Variants in RBFOX1 observed in about 807,000 individuals in gnomAD.
The protein encoded by RBFOX1 is RNA binding fox-1 homolog 1.
RBFOX1 carries 8 observed loss-of-function variants against 57.7 expected under a neutral mutation model. That is an observed-to-expected ratio of 0.14 (90% CI 0.08 to 0.25). RBFOX1 has a LOEUF of 0.25. RBFOX1 is among the 10% of genes least tolerant of loss of function. The probability of loss-of-function intolerance (pLI) is 1.00; values close to 1 mark genes in which losing one functional copy is unlikely to be tolerated. For missense variants in RBFOX1, 611 were observed against 548.5 expected, an observed-to-expected ratio of 1.11 and a Z score of -1.14; for synonymous variants, 326 against 222.4, an observed-to-expected ratio of 1.47 and a Z score of -4.15.
intron 1 of RBFOX1, among the ~76,000 whole-genome samples, chr16:5,345,758 C>T (rs1410971384): frequency 2.6e-5 from 4 of 152,196 alleles, no homozygotes; most frequent in Admixed American, 2.6e-4. Context: ...GGTTAAGGCA[C>T]ATGACGCCAC....
intron 1 of RBFOX1, among the ~76,000 whole-genome samples, chr16:5,290,311 G>T (rs1459604553): frequency 2.0e-5 from 3 of 152,096 alleles, no homozygotes; most frequent in African/African-American, 7.2e-5. Context: ...GCAGTGAGCC[G>T]AGGTTGTGCC....
At chr16:6,952,613 G>T (rs935108913) in intron 3 of RBFOX1, among the ~76,000 whole-genome samples, 19 of 151,842 alleles carry the variant, frequency 1.3e-4, no homozygotes, top group African/African-American at 4.4e-4. Context: ...ACTACAGCCT[G>T]GGCAACAGAG....
intron 5 of RBFOX1, 117 bp downstream of exon 5, chr16:7,518,506 T>G (rs2076863715): frequency 1.5e-6 from 2 of 1,373,788 alleles, no homozygotes; most frequent in Middle Eastern, 2.0e-4. Flanking sequence ...GATCAGTCCC[T>G]AAGCCCACCC....
chr16:5,823,616 A>T (rs747888313), intron 3 of RBFOX1, among the ~76,000 whole-genome samples: 1 of 152,056 alleles, frequency 6.6e-6, no homozygotes, highest in African/African-American at 2.4e-5. Context: ...ACTCCCCATC[A>T]CTCACATTAT....
At chr16:6,631,854 A>G (rs2098388983) in intron 2 of RBFOX1, among the ~76,000 whole-genome samples, 1 of 152,010 alleles carries the variant, frequency 6.6e-6, no homozygotes. Flanking sequence ...GGTGGCCACA[A>G]ACTTAATGCA....
At chr16:5,999,920 G>T in intron 4 of RBFOX1, among the ~76,000 whole-genome samples, 1 of 131,004 alleles carries the variant, frequency 7.6e-6, no homozygotes, top group Non-Finnish European at 1.6e-5. Flanking sequence ...GTGAAGAAGG[G>T]AAATCAGACA....
intron 4 of RBFOX1, among the ~76,000 whole-genome samples, chr16:5,893,957 G>A (rs1233517685): frequency 1.3e-5 from 2 of 152,160 alleles, no homozygotes; most frequent in East Asian, 1.9e-4. Context: ...GGATAATTTA[G>A]TTGCAAAATG....
At chr16:6,080,991 C>T (rs1263818182) in intron 1 of RBFOX1, among the ~76,000 whole-genome samples, 2 of 152,178 alleles carry the variant, frequency 1.3e-5, no homozygotes, top group Non-Finnish European at 2.9e-5. Context: ...GACTGTTTGT[C>T]ATGGCTTGAA....
chr16:7,627,014 C>G (rs2060173457), intron 10 of RBFOX1, among the ~76,000 whole-genome samples: 1 of 151,554 alleles, frequency 6.6e-6, no homozygotes, highest in Non-Finnish European at 1.5e-5. Flanking sequence ...TTTAAAAATG[C>G]AAGATAAGAG....
intron 3 of RBFOX1, among the ~76,000 whole-genome samples, chr16:6,734,828 C>T (rs2069678159): frequency 6.6e-6 from 1 of 152,066 alleles, no homozygotes; most frequent in African/African-American, 2.4e-5. Flanking sequence ...ATGCATAAAG[C>T]AAAACAGGTG....
At chr16:7,125,845 G>A (rs1269935859) in intron 4 of RBFOX1, among the ~76,000 whole-genome samples, 1 of 152,180 alleles carries the variant, frequency 6.6e-6, no homozygotes, top group Admixed American at 6.5e-5. Context: ...CACTTTGGGA[G>A]GCTGCGGTGG....
At chr16:5,638,252 C>G (rs117693978) in intron 3 of RBFOX1, among the ~76,000 whole-genome samples, 1,995 of 152,260 alleles carry the variant, frequency 0.013, 63 homozygotes, top group South Asian at 0.096. Context: ...CTATCAGCCA[C>G]CCAGACAGGT....
chr16:6,219,834 C>A (rs1268820743), intron 1 of RBFOX1, among the ~76,000 whole-genome samples: 1 of 152,152 alleles, frequency 6.6e-6, no homozygotes, highest in Non-Finnish European at 1.5e-5. Context: ...CGAGATTATG[C>A]TATCGTGCTC....
chr16:7,519,798 C>G (rs1482221361), intron 5 of RBFOX1: 46 of 844,342 alleles, frequency 5.4e-5, no homozygotes, highest in Non-Finnish European at 5.8e-5. Flanking sequence ...AAGCATGATA[C>G]ATTTCCTGTG....
At chr16:6,940,402 C>G (rs949101334) in intron 3 of RBFOX1, among the ~76,000 whole-genome samples, 2 of 152,246 alleles carry the variant, frequency 1.3e-5, no homozygotes, top group East Asian at 3.9e-4. Flanking sequence ...CTTAACAATT[C>G]AGGAGCAGCT....
intron 9 of RBFOX1, among the ~76,000 whole-genome samples, chr16:7,606,711 A>T (rs1417320872): frequency 6.6e-6 from 1 of 152,216 alleles, no homozygotes; most frequent in Non-Finnish European, 1.5e-5. Flanking sequence ...TCATACATTG[A>T]TTAAGAATTT....
intron 3 of RBFOX1, among the ~76,000 whole-genome samples, chr16:5,788,200 C>T (rs150474341): frequency 2.4e-3 from 366 of 152,262 alleles, no homozygotes; most frequent in African/African-American, 8.3e-3. Context: ...CTGCTGTTGG[C>T]CGGTAGTTTA....
chr16:7,155,008 C>G (rs370956878), intron 4 of RBFOX1, among the ~76,000 whole-genome samples: 5 of 152,012 alleles, frequency 3.3e-5, no homozygotes, highest in East Asian at 1.9e-4. Context: ...AGATTCTGTA[C>G]AGTATAAATT....
chr16:7,651,164 G>GTGAT (rs766341486), intron 11 of RBFOX1, among the ~76,000 whole-genome samples: 7 of 152,206 alleles, frequency 4.6e-5, no homozygotes, highest in Non-Finnish European at 1.0e-4. Flanking sequence ...TACCCGCATT[G>GTGAT]TGATAGAAAG....
Sources: gnomAD v4.1 joint callset for allele counts (sites outside exome capture counted in the v4.1 genomes callset) on GRCh38, gnomAD v4.1.1 for gene constraint, MANE v1.5 for transcripts, NCBI Gene and HGNC (gene_info 2026-07-23, HGNC 2026-07-21) for gene names.